PIK3C2G: variants seen among roughly 807,000 people sequenced by gnomAD.
PIK3C2G encodes phosphatidylinositol 3-kinase C2 domain-containing subunit gamma.
PIK3C2G carries 168 observed loss-of-function variants against 181.1 expected under a neutral mutation model. The observed-to-expected ratio is 0.93, with a 90% confidence interval of 0.82 to 1.05. PIK3C2G has a LOEUF of 1.05. PIK3C2G is among the 50% of genes least tolerant of loss of function. The pLI is 0.00. For synonymous variants in PIK3C2G, 573 were observed against 592.2 expected, an observed-to-expected ratio of 0.97 and a Z score of 0.47; for missense variants, 1,869 against 1,732.8, an observed-to-expected ratio of 1.08 and a Z score of -1.40.
At chr12:18,571,460 A>G (rs559118010) in intron 29 of PIK3C2G, among the ~76,000 whole-genome samples, 1 of 150,874 alleles carries the variant, frequency 6.6e-6, no homozygotes, top group East Asian at 1.9e-4. Flanking sequence ...ATATTCCACT[A>G]TATTTATACA....
At position 18,381,811 on chromosome 12, in the gene PIK3C2G, T is replaced by C. The variant is rs1411705120; in HGVS notation, c.1926T>C (p.Ser642=). 94 of 1,613,616 alleles carry C rather than the reference T, an allele frequency of 5.8e-5. No individual in the cohort carries two copies. The highest frequency in any genetic ancestry group is 7.5e-5 in the Non-Finnish European group (88 of 1,179,726). ...GSMLFSMTLQ[S]EPPVEMITPG... ...TGCTGTTCAGCATGACATTACAGAG[T>C]GAGCCTCCCGTAGAAATGATAACTC... Residue 642 remains serine, a synonymous_variant, in exon 14 of 33, where the codon AGT becomes AGC. Transcript: ENST00000538779.
chr12:18,338,565 A>G lies in PIK3C2G; in HGVS notation c.1395+17A>G, dbSNP rs765546183. On this transcript the variant is annotated intron_variant, in intron 9 of 32. Transcript: ENST00000538779. ...AAAGGAGAGGTAAGTACATTCATTT[A>G]TTACACAGTAGTTTTAAACCTGAGT... 2 of 1,538,992 alleles carry G rather than the reference A, an allele frequency of 1.3e-6. No homozygotes were observed. The highest frequency in any genetic ancestry group is 1.2e-5 in the South Asian group (1 of 85,940).
At chr12:18,389,317 C>A (rs1310791822) in intron 14 of PIK3C2G, among the ~76,000 whole-genome samples, 2 of 150,102 alleles carry the variant, frequency 1.3e-5, no homozygotes, top group African/African-American at 4.9e-5. Context: ...GGTGCCACTG[C>A]ACTCCAGCCT....
chr12:18,719,565 C>T, the PIK3C2G span: 1 of 1,605,032 alleles, frequency 6.2e-7, no homozygotes, highest in South Asian at 1.1e-5. Flanking sequence ...CATTTTTAAA[C>T]AGTAGACATT....
chr12:18,476,024 G>T (rs940426819), intron 18 of PIK3C2G, among the ~76,000 whole-genome samples: 1 of 151,974 alleles, frequency 6.6e-6, no homozygotes, highest in African/African-American at 2.4e-5. Flanking sequence ...TGTCCCGAAA[G>T]AATTTAAAAT....
chr12:18,686,557 A>C, the PIK3C2G span, among the ~76,000 whole-genome samples: 1 of 152,004 alleles, frequency 6.6e-6, no homozygotes. Context: ...TTCATATTTT[A>C]AGACTTATAT....
intron 18 of PIK3C2G, among the ~76,000 whole-genome samples, chr12:18,474,539 C>T (rs1458993438): frequency 2.6e-5 from 4 of 151,954 alleles, no homozygotes; most frequent in Non-Finnish European, 5.9e-5. Context: ...TCTATTTTCC[C>T]AATTTGTGAA....
upstream of PIK3C2G, among the ~76,000 whole-genome samples, chr12:18,260,227 C>A (rs1948199561): frequency 6.6e-6 from 1 of 151,896 alleles, no homozygotes; most frequent in African/African-American, 2.4e-5. Context: ...CAAAATGTTT[C>A]AATTTTTGAA....
chr12:18,478,919 T>C (rs1939272234), intron 18 of PIK3C2G, among the ~76,000 whole-genome samples: 1 of 150,574 alleles, frequency 6.6e-6, no homozygotes, highest in South Asian at 2.1e-4. Context: ...AGGCTACAGT[T>C]AGCCATGATC....
chr12:18,294,765 G>A (rs947414580), intron 5 of PIK3C2G, among the ~76,000 whole-genome samples: 5 of 151,840 alleles, frequency 3.3e-5, no homozygotes, highest in East Asian at 3.9e-4. Context: ...AGACTAAAAC[G>A]TTTAATACAG....
At chr12:18,721,231 G>A in the PIK3C2G span, among the ~76,000 whole-genome samples, 1 of 152,062 alleles carries the variant, frequency 6.6e-6, no homozygotes, top group Non-Finnish European at 1.5e-5. Flanking sequence ...CTACCAGTTT[G>A]AAATAAGGAT....
chr12:18,286,312 T>C (rs61914503), intron 2 of PIK3C2G, among the ~76,000 whole-genome samples: 2 of 152,092 alleles, frequency 1.3e-5, no homozygotes, highest in Non-Finnish European at 2.9e-5. Context: ...TTAATAGTTT[T>C]CTTTACAATA....
intron 1 of PIK3C2G, among the ~76,000 whole-genome samples, chr12:18,264,105 C>A (rs1337863463): frequency 1.3e-5 from 2 of 152,010 alleles, no homozygotes; most frequent in Admixed American, 6.6e-5. Flanking sequence ...AGAAAATATA[C>A]CCTCTATTAT....
At chr12:18,700,512 C>CCAA in the PIK3C2G span, among the ~76,000 whole-genome samples, 3 of 67,896 alleles carry the variant, frequency 4.4e-5, no homozygotes, top group Non-Finnish European at 7.5e-5. Flanking sequence ...AGCCAACGTA[C>CCAA]AAAAAAAAAA....
chr12:18,697,760 T>A, the PIK3C2G span, among the ~76,000 whole-genome samples: 6 of 151,940 alleles, frequency 3.9e-5, no homozygotes, highest in Admixed American at 3.9e-4. Context: ...ACTATAATAA[T>A]GTGAACATCA....
intron 11 of PIK3C2G, among the ~76,000 whole-genome samples, chr12:18,361,877 T>TC (rs1429669181): frequency 2.0e-5 from 3 of 152,154 alleles, no homozygotes; most frequent in Non-Finnish European, 4.4e-5. Flanking sequence ...GCTCCTTTCT[T>TC]CCCCATCACT....
At chr12:18,463,517 GAAT>G in intron 18 of PIK3C2G, among the ~76,000 whole-genome samples, 1 of 152,220 alleles carries the variant, frequency 6.6e-6, no homozygotes, top group South Asian at 2.1e-4. Context: ...TACACAAGAG[GAAT>G]AATACTTCCT....
At chr12:18,642,786 C>CTG (rs56095750) in intron 32 of PIK3C2G, among the ~76,000 whole-genome samples, 25,245 of 142,852 alleles carry the variant, frequency 0.18, 2,414 homozygotes, top group South Asian at 0.36. Context: ...ATAAGTGACA[C>CTG]TGTGTGTGTG....
At chr12:18,375,492 A>G (rs1942370974) in intron 13 of PIK3C2G, among the ~76,000 whole-genome samples, 1 of 152,220 alleles carries the variant, frequency 6.6e-6, no homozygotes, top group South Asian at 2.1e-4. Context: ...ATGACTTAAA[A>G]TTGGAATTTA....
Sources: allele counts gnomAD v4.1 joint callset (sites outside exome capture counted in the v4.1 genomes callset), GRCh38; gene constraint gnomAD v4.1.1; transcripts MANE v1.5; gene names NCBI Gene and HGNC (gene_info 2026-07-23, HGNC 2026-07-21).